The following ST7 variants were observed in gnomAD, a reference collection of about 807,000 sequenced individuals.
ST7 encodes the protein suppression of tumorigenicity 7.
A neutral mutation model predicts 78.7 loss-of-function variants in ST7; 28 were observed. The observed-to-expected ratio is 0.36, with a 90% CI of 0.26 to 0.49. ST7 has a LOEUF of 0.49. ST7 is among the 20% of genes least tolerant of loss of function. ST7 has a pLI of 0.99. For synonymous variants in ST7, 247 were observed against 249.6 expected, an observed-to-expected ratio of 0.99 and a Z score of 0.10; for missense variants, 418 against 696.0, an observed-to-expected ratio of 0.60 and a Z score of 4.49.
intron 2 of ST7, among the ~76,000 whole-genome samples, chr7:117,107,575 A>G (rs1421932562): frequency 1.1e-5 from 1 of 90,846 alleles, no homozygotes. Context: ...TTTGAGAATT[A>G]TCTATTATTC....
chr7:117,212,877 A>G (rs1348184841), intron 13 of ST7, among the ~76,000 whole-genome samples: 1 of 152,172 alleles, frequency 6.6e-6, no homozygotes, highest in African/African-American at 2.4e-5. Flanking sequence ...ACCCCTCCAA[A>G]CCCAGACAAT....
intron 1 of ST7, among the ~76,000 whole-genome samples, chr7:116,971,125 C>G (rs767785227): frequency 2.2e-4 from 34 of 152,244 alleles, no homozygotes; most frequent in Admixed American, 1.8e-3. Context: ...CAGTAAACTG[C>G]CAGCCCACAG....
At chr7:117,142,443 T>G (rs1272465213) in intron 9 of ST7, among the ~76,000 whole-genome samples, 1 of 151,494 alleles carries the variant, frequency 6.6e-6, no homozygotes, top group African/African-American at 2.4e-5. Context: ...ACCTACTAGA[T>G]GCCAATTGCA....
At position 117,119,548 on chromosome 7, in the gene ST7, T is replaced by C. The variant is rs755981698; in HGVS notation, c.235-13T>C. 44 of 1,604,460 alleles carry C rather than the reference T, an allele frequency of 2.7e-5. No individual in the cohort carries two copies. Among genetic ancestry groups the C allele is most frequent in the Non-Finnish European group, 3.7e-5 (44 of 1,177,058 alleles). ...TAACAGTGACCATAAACACGCTTATTTTTCTGTTCTAGATATTTGAATGGT... is the reference window on the plus strand; with the variant it reads ...TAACAGTGACCATAAACACGCTTATCTTTCTGTTCTAGATATTTGAATGGT... On this transcript the variant is annotated splice_polypyrimidine_tract_variant and intron_variant, in intron 2 of 15. Coordinates refer to ENST00000323984, the MANE Select transcript of ST7 (RefSeq NM_001369598.1).
chr7:117,163,389 C>G (rs551730246), intron 9 of ST7, among the ~76,000 whole-genome samples: 2 of 152,262 alleles, frequency 1.3e-5, no homozygotes, highest in African/African-American at 4.8e-5. Context: ...AGTTTGCAGT[C>G]CTACCAAAAG....
intron 1 of ST7, among the ~76,000 whole-genome samples, chr7:117,057,322 A>C (rs1366999037): frequency 6.6e-6 from 1 of 152,202 alleles, no homozygotes; most frequent in Non-Finnish European, 1.5e-5. Flanking sequence ...GTATAAAACT[A>C]AAACTAGATT....
At chr7:117,073,236 C>T (rs1799103021) in intron 1 of ST7, 1 of 152,068 alleles carries the variant, frequency 6.6e-6, no homozygotes. Flanking sequence ...GGCCTCTACA[C>T]AATCTAGTAC....
At chr7:117,076,989 T>C (rs1799392739) in intron 1 of ST7, among the ~76,000 whole-genome samples, 1 of 152,092 alleles carries the variant, frequency 6.6e-6, no homozygotes, top group Non-Finnish European at 1.5e-5. Flanking sequence ...ATGTGGGGAA[T>C]TTTTCTTGAT....
At chr7:117,179,705 G>A (rs928509343) in intron 10 of ST7, among the ~76,000 whole-genome samples, 2 of 151,926 alleles carry the variant, frequency 1.3e-5, no homozygotes, top group East Asian at 1.9e-4. Flanking sequence ...TGGGGGTGTG[G>A]GGGGGTAGGG....
At chr7:117,170,510 G>C (rs533533863) in intron 9 of ST7, among the ~76,000 whole-genome samples, 1 of 152,004 alleles carries the variant, frequency 6.6e-6, no homozygotes, top group African/African-American at 2.4e-5. Flanking sequence ...GTGAAACCCC[G>C]TCTCTACTTA....
chr7:117,134,244 G>A (rs367639019), intron 7 of ST7, 52 bp downstream of exon 7: 347 of 1,608,130 alleles, frequency 2.2e-4, no homozygotes, highest in Non-Finnish European at 2.8e-4. Flanking sequence ...GAGACTTCTA[G>A]TGGATATCTG....
chr7:117,229,895 C>T lies in ST7; in HGVS notation c.*38C>T. 6.5e-7 allele frequency: 1 copy of T among 1,534,218 alleles called. No homozygotes were observed. The highest frequency in any genetic ancestry group is 1.1e-5 in the South Asian group (1 of 89,492). ...CCTCCACTCACCTCACCCGCCGCTG[C>T]CACCATCTCCTCTGTGCCAACTCCT... On this transcript the variant is annotated 3_prime_UTR_variant, in exon 16 of 16. Coordinates refer to ENST00000323984, the MANE Select transcript of ST7 (RefSeq NM_001369598.1).
chr7:117,088,013 T>C (rs1276461433), intron 1 of ST7, among the ~76,000 whole-genome samples: 1 of 152,212 alleles, frequency 6.6e-6, no homozygotes, highest in Admixed American at 6.5e-5. Flanking sequence ...TGGCTTGGCA[T>C]TTGAGCCAGC....
chr7:117,028,034 A>G (rs1796297416), intron 1 of ST7, among the ~76,000 whole-genome samples: 2 of 152,224 alleles, frequency 1.3e-5, no homozygotes, highest in South Asian at 4.1e-4. Flanking sequence ...ACATGTCAGA[A>G]ACATGCCAGT....
intron 1 of ST7, among the ~76,000 whole-genome samples, chr7:116,955,434 C>G (rs1454227449): frequency 1.3e-5 from 2 of 152,112 alleles, no homozygotes; most frequent in African/African-American, 2.4e-5. Context: ...CATGAGAAAA[C>G]AAGAGGGGGC....
At chr7:117,167,795 A>C (rs1807685362) in intron 9 of ST7, among the ~76,000 whole-genome samples, 1 of 152,202 alleles carries the variant, frequency 6.6e-6, no homozygotes, top group South Asian at 2.1e-4. Flanking sequence ...CAAGAGAGGC[A>C]AGTGTTTCAA....
intron 7 of ST7, 55 bp from the exon 8 acceptor site, chr7:117,136,026 C>CT (rs1327695790): frequency 6.3e-7 from 1 of 1,590,654 alleles, no homozygotes; most frequent in Non-Finnish European, 8.6e-7. Flanking sequence ...CTCCTACAGT[C>CT]TATTACCATG....
At chr7:116,965,503 C>T (rs1793064355) in intron 1 of ST7, among the ~76,000 whole-genome samples, 1 of 152,122 alleles carries the variant, frequency 6.6e-6, no homozygotes, top group South Asian at 2.1e-4. Context: ...CAGCAAACCA[C>T]CACGATGCAT....
rs180709619 is a variant in ST7 at position 117,026,593 on chromosome 7, A to G, written c.151+72902A>G. ...TGCATGTTTAGAAATGGCAGCAACCACATGCCAGATGCAGCAACTAATTGC... is the reference window on the plus strand; with the variant it reads ...TGCATGTTTAGAAATGGCAGCAACCGCATGCCAGATGCAGCAACTAATTGC... On this transcript the variant is annotated intron_variant, in intron 1 of 15. Coordinates refer to ENST00000323984, the MANE Select transcript of ST7 (RefSeq NM_001369598.1). 8.6e-4 allele frequency among the ~76,000 whole-genome samples: 131 copies of G among 152,378 alleles called. 1 individual carries two copies. Among genetic ancestry groups the G allele is most frequent in the Non-Finnish European group, 3.4e-4 (23 of 68,042 alleles).
Sources: gnomAD v4.1 joint callset for allele counts (sites outside exome capture counted in the v4.1 genomes callset) on GRCh38, gnomAD v4.1.1 for gene constraint, MANE v1.5 for transcripts, NCBI Gene and HGNC (gene_info 2026-07-23, HGNC 2026-07-21) for gene names.